Variants in FGF12 observed in about 807,000 individuals in gnomAD.
FGF12 encodes the protein fibroblast growth factor 12.
A neutral mutation model predicts 23.6 loss-of-function variants in FGF12; 14 were observed. The ratio of observed to expected loss-of-function variants is 0.59; its 90% CI spans 0.39 to 0.93. The LOEUF (loss-of-function observed/expected upper bound fraction) is 0.93. Among genes scored for constraint, FGF12 ranks in the 40% least tolerant of loss-of-function variants. The pLI is 0.00. For synonymous variants in FGF12, 62 were observed against 77.3 expected (o/e 0.80, Z 1.04); for missense variants, 175 against 217.8 (o/e 0.80, Z 1.24).
At chr3:192,545,178 A>G (rs1725465241) in intron 2 of FGF12, among the ~76,000 whole-genome samples, 1 of 152,174 alleles carries the variant, frequency 6.6e-6, no homozygotes, top group Admixed American at 6.5e-5. Flanking sequence ...GGAATCAAAT[A>G]CTACAGGATA....
chr3:192,726,890 ACCTCCT>A, intron 2 of FGF12: 1 of 498,022 alleles, frequency 2.0e-6, no homozygotes, highest in Non-Finnish European at 3.6e-6. Context: ...ACTAACACAT[ACCTCCT>A]CCTCCTCCTC....
chr3:192,705,776 C>T (rs183146588), intron 2 of FGF12, among the ~76,000 whole-genome samples: 267 of 152,242 alleles, frequency 1.8e-3, no homozygotes, highest in African/African-American at 6.1e-3. Flanking sequence ...CAATATGCGA[C>T]GCATGCAACA....
chr3:192,480,278 A>T (rs922602987), intron 2 of FGF12, among the ~76,000 whole-genome samples: 13 of 152,152 alleles, frequency 8.5e-5, no homozygotes, highest in Admixed American at 4.6e-4. Flanking sequence ...TGCCAACAAA[A>T]CCTATTTTTC....
chr3:192,277,963 A>T (rs1391259302), intron 4 of FGF12, among the ~76,000 whole-genome samples: 1 of 152,106 alleles, frequency 6.6e-6, no homozygotes, highest in Non-Finnish European at 1.5e-5. Flanking sequence ...GGGTTTCGCC[A>T]TGTTGGCCAG....
At chr3:192,636,599 G>A (rs1715593819) in intron 2 of FGF12, among the ~76,000 whole-genome samples, 1 of 152,156 alleles carries the variant, frequency 6.6e-6, no homozygotes, top group South Asian at 2.1e-4. Flanking sequence ...CTGAAAATGG[G>A]TGTGGGTACA....
intron 4 of FGF12, among the ~76,000 whole-genome samples, chr3:192,328,552 C>A (rs1716944557): frequency 1.3e-5 from 2 of 152,164 alleles, no homozygotes; most frequent in Non-Finnish European, 1.5e-5. Context: ...GGTATTTCTT[C>A]CCATGGCAGA....
chr3:192,465,395 A>C (rs1722980426), intron 2 of FGF12, among the ~76,000 whole-genome samples: 1 of 152,198 alleles, frequency 6.6e-6, no homozygotes. Flanking sequence ...AATTTTTAAA[A>C]CCATATTGAT....
At position 192,158,367 on chromosome 3, in the gene FGF12, T is replaced by TTTC. The variant is rs201540501; in HGVS notation, c.427+12088_427+12090dup. ...CTTTCTTTCTTTCTTTCTTTCTTTC[T>TTTC]TTCTTTCTTTCTTTCTTTTCTTTCT... On this transcript the variant is annotated intron_variant, in intron 5 of 5. Transcript: ENST00000445105. 1.9e-3 allele frequency among the ~76,000 whole-genome samples: 231 copies of TTTC among 122,548 alleles called. 1 individual carries two copies. The highest frequency in any genetic ancestry group is 6.8e-3 in the African/African-American group (215 of 31,450). The allele number at this position is 122,548 out of a possible 152,430, so 80.4% of individuals were successfully genotyped here. A position where few individuals can be genotyped will look rare whatever the true frequency, so the allele number is the denominator to read the frequency against.
chr3:192,550,861 C>T (rs141122551), intron 2 of FGF12, among the ~76,000 whole-genome samples: 6 of 152,154 alleles, frequency 3.9e-5, no homozygotes, highest in Non-Finnish European at 5.9e-5. Flanking sequence ...TTTAAAGATA[C>T]GAATACCTTT....
At chr3:192,622,581 G>C (rs1383251340) in intron 2 of FGF12, among the ~76,000 whole-genome samples, 8 of 152,084 alleles carry the variant, frequency 5.3e-5, no homozygotes, top group African/African-American at 1.9e-4. Flanking sequence ...TACTAACTAG[G>C]AGAACTTAGG....
intron 2 of FGF12, among the ~76,000 whole-genome samples, chr3:192,640,378 G>GAAATA (rs1715746589): frequency 6.6e-6 from 1 of 152,036 alleles, no homozygotes; most frequent in Admixed American, 6.6e-5. Flanking sequence ...ATAAAAGAGT[G>GAAATA]AAATAAAATA....
At chr3:192,659,158 A>T (rs2108682675) in intron 2 of FGF12, among the ~76,000 whole-genome samples, 1 of 152,348 alleles carries the variant, frequency 6.6e-6, no homozygotes, top group South Asian at 2.1e-4. Flanking sequence ...GATCCCAGAA[A>T]ATTATAACTA....
At chr3:192,246,944 GA>G (rs1167152426) in intron 4 of FGF12, among the ~76,000 whole-genome samples, 8 of 69,316 alleles carry the variant, frequency 1.2e-4, no homozygotes, top group Non-Finnish European at 1.6e-4. Context: ...AGGAAAGAAA[GA>G]AAAAGAAAAG....
chr3:192,194,536 C>T (rs1021347628), intron 4 of FGF12, among the ~76,000 whole-genome samples: 5 of 152,160 alleles, frequency 3.3e-5, no homozygotes, highest in Non-Finnish European at 5.9e-5. Context: ...GGTATTTCCA[C>T]ATGGACTTAT....
At chr3:192,647,269 T>C (rs1716038961) in intron 2 of FGF12, among the ~76,000 whole-genome samples, 1 of 152,110 alleles carries the variant, frequency 6.6e-6, no homozygotes, top group Non-Finnish European at 1.5e-5. Flanking sequence ...GGCAGAGTTA[T>C]AACACATTGG....
At chr3:192,532,432 T>A (rs1469039993) in intron 2 of FGF12, among the ~76,000 whole-genome samples, 3 of 152,144 alleles carry the variant, frequency 2.0e-5, no homozygotes, top group Non-Finnish European at 2.9e-5. Flanking sequence ...TCTTTCAGCA[T>A]TGTTTTGTAG....
At chr3:192,588,360 A>AAG (rs1553835725) in intron 2 of FGF12, among the ~76,000 whole-genome samples, 3 of 142,646 alleles carry the variant, frequency 2.1e-5, no homozygotes, top group Non-Finnish European at 3.0e-5. Context: ...AAAAAAAAAA[A>AAG]AAAAAAAGAA....
chr3:192,285,960 C>A (rs1272994105), intron 4 of FGF12, among the ~76,000 whole-genome samples: 1 of 151,946 alleles, frequency 6.6e-6, no homozygotes, highest in African/African-American at 2.4e-5. Flanking sequence ...GACGAGACTG[C>A]AGTTTAGGAG....
rs58052704 is a variant in FGF12 at position 192,596,094 on chromosome 3, A to AAATATAATATAATATAATAT, written c.13+131067_13+131086dup. Reference sequence around the variant, plus strand: ...GTGACACAGCCAGACCCTGACTCAAAAATATAATATAATATAATATAATAT... The same window carrying AAATATAATATAATATAATAT: ...GTGACACAGCCAGACCCTGACTCAAAAATATAATATAATATAATATAATATAATATAATATAATATAATAT... On this transcript the variant is annotated intron_variant, in intron 2 of 5. Transcript: ENST00000445105. Among the ~76,000 whole-genome samples, 288 of 99,476 alleles carry AAATATAATATAATATAATAT rather than the reference A, an allele frequency of 2.9e-3. 3 individuals are homozygous for AAATATAATATAATATAATAT. The highest frequency in any genetic ancestry group is 5.1e-3 in the Middle Eastern group (1 of 198). The allele number at this position is 99,476 out of a possible 152,430, so 65.3% of individuals were successfully genotyped here.
Sources: gnomAD v4.1 joint callset for allele counts (sites outside exome capture counted in the v4.1 genomes callset) on GRCh38, gnomAD v4.1.1 for gene constraint, MANE v1.5 for transcripts, NCBI Gene and HGNC (gene_info 2026-07-23, HGNC 2026-07-21) for gene names.